The following ADAM10 variants were observed in gnomAD, a reference collection of about 807,000 sequenced individuals.
ADAM10 encodes the protein disintegrin and metalloproteinase domain-containing protein 10.
A neutral mutation model predicts 90.1 loss-of-function variants in ADAM10; 17 were observed. That is an observed-to-expected ratio of 0.19 (90% confidence interval 0.13 to 0.28). The LOEUF (loss-of-function observed/expected upper bound fraction) is 0.28. Ranked by LOEUF, ADAM10 falls within the 10% of genes least tolerant of loss-of-function variation. The pLI is 1.00. For synonymous variants in ADAM10, 310 were observed against 298.6 expected, an observed-to-expected ratio of 1.04 and a Z score of -0.40; for missense variants, 610 against 914.3, an observed-to-expected ratio of 0.67 and a Z score of 4.29.
At chr15:58,716,791 G>A (rs1196461559) in intron 2 of ADAM10, among the ~76,000 whole-genome samples, 1 of 152,030 alleles carries the variant, frequency 6.6e-6, no homozygotes, top group Non-Finnish European at 1.5e-5. Context: ...ATCAATCAGG[G>A]TTACATCAGT....
chr15:58,619,517 C>T (rs1301255322), intron 11 of ADAM10, among the ~76,000 whole-genome samples: 1 of 152,080 alleles, frequency 6.6e-6, no homozygotes, highest in South Asian at 2.1e-4. Flanking sequence ...GATAAATATC[C>T]TTATTACCTT....
intron 1 of ADAM10, chr15:58,747,854 A>G (rs1595677106): frequency 6.6e-6 from 1 of 152,332 alleles, no homozygotes; most frequent in Non-Finnish European, 1.5e-5. Context: ...TTATTTTTAA[A>G]AGAACATTTA....
At chr15:58,723,013 T>C (rs1336161677) in intron 1 of ADAM10, among the ~76,000 whole-genome samples, 1 of 152,064 alleles carries the variant, frequency 6.6e-6, no homozygotes, top group African/African-American at 2.4e-5. Flanking sequence ...ATTACAGGTG[T>C]GAGCCACCAT....
At chr15:58,610,870 C>T in intron 13 of ADAM10, 129 bp downstream of exon 13, 1 of 746,678 alleles carries the variant, frequency 1.3e-6, no homozygotes, top group Non-Finnish European at 2.4e-6. Flanking sequence ...CATTTATAAT[C>T]TCCTCAAGAG....
chr15:58,705,386 G>C (rs1898249176), intron 2 of ADAM10, among the ~76,000 whole-genome samples: 1 of 151,756 alleles, frequency 6.6e-6, no homozygotes, highest in Non-Finnish European at 1.5e-5. Context: ...TTCTTTTTTT[G>C]GCATTGGCTA....
intron 5 of ADAM10, among the ~76,000 whole-genome samples, chr15:58,650,072 C>T (rs1896648401): frequency 6.6e-6 from 1 of 152,112 alleles, no homozygotes; most frequent in African/African-American, 2.4e-5. Context: ...CTAAATTTCC[C>T]ATCAAGTTCT....
intron 1 of ADAM10, among the ~76,000 whole-genome samples, chr15:58,731,512 C>T (rs1899239728): frequency 6.6e-6 from 1 of 152,084 alleles, no homozygotes; most frequent in African/African-American, 2.4e-5. Flanking sequence ...CTTGTTGTCC[C>T]AGCTGCTCAA....
chr15:58,688,786 A>ATATATATATAGATATCTC, intron 2 of ADAM10, among the ~76,000 whole-genome samples: 1 of 122,396 alleles, frequency 8.2e-6, no homozygotes, highest in Non-Finnish European at 1.6e-5. Context: ...ATATATATAT[A>ATATATATATAGATATCTC]TCTCTCTCTC....
At chr15:58,667,018 C>A (rs1335070475) in intron 4 of ADAM10, among the ~76,000 whole-genome samples, 3 of 152,052 alleles carry the variant, frequency 2.0e-5, no homozygotes, top group African/African-American at 4.8e-5. Context: ...AAATTACTAA[C>A]AATATAATCC....
chr15:58,694,349 G>A (rs796656133), intron 2 of ADAM10, among the ~76,000 whole-genome samples: 20 of 152,234 alleles, frequency 1.3e-4, no homozygotes, highest in African/African-American at 4.8e-4. Flanking sequence ...GATTTGGGAG[G>A]CTGAGGCAAG....
chr15:58,706,145 A>C (rs1160919785), intron 2 of ADAM10, among the ~76,000 whole-genome samples: 1 of 152,190 alleles, frequency 6.6e-6, no homozygotes, highest in Admixed American at 6.5e-5. Context: ...AGAAAACAAA[A>C]TACAGGGTGC....
chr15:58,644,299 G>A (rs773899732), intron 6 of ADAM10, among the ~76,000 whole-genome samples: 1 of 149,358 alleles, frequency 6.7e-6, no homozygotes, highest in African/African-American at 2.5e-5. Flanking sequence ...TTGCAATCTC[G>A]GCTCACTGCA....
chr15:58,621,446 A>G (rs1403212655), intron 11 of ADAM10, 25 bp downstream of exon 11: 4 of 1,613,600 alleles, frequency 2.5e-6, no homozygotes, highest in Non-Finnish European at 3.4e-6. Context: ...CAAGAATGTT[A>G]ACATCACTGA....
chr15:58,745,784 G>A (rs969644872), intron 1 of ADAM10, among the ~76,000 whole-genome samples: 2 of 152,242 alleles, frequency 1.3e-5, no homozygotes, highest in East Asian at 3.9e-4. Context: ...TAGGAATGAT[G>A]GGGACTGCAG....
intron 4 of ADAM10, among the ~76,000 whole-genome samples, chr15:58,666,510 C>A (rs2140730614): frequency 6.6e-6 from 1 of 151,964 alleles, no homozygotes; most frequent in South Asian, 2.1e-4. Context: ...TGCTTTGCCA[C>A]ACCAGTAAGT....
At chr15:58,656,521 T>C (rs1896833037) in intron 5 of ADAM10, among the ~76,000 whole-genome samples, 1 of 152,190 alleles carries the variant, frequency 6.6e-6, no homozygotes, top group Non-Finnish European at 1.5e-5. Context: ...GGCTTGCAAA[T>C]ACTACCTTAC....
At chr15:58,746,056 A>G (rs1899781317) in intron 1 of ADAM10, among the ~76,000 whole-genome samples, 1 of 152,206 alleles carries the variant, frequency 6.6e-6, no homozygotes, top group South Asian at 2.1e-4. Flanking sequence ...AGCCGCTTTC[A>G]AAAAAGGCAT....
chr15:58,682,446 C>G (rs1566992834), intron 2 of ADAM10, 132 bp from the exon 3 acceptor site: 1 of 1,389,762 alleles, frequency 7.2e-7, no homozygotes, highest in Non-Finnish European at 9.5e-7. Context: ...AATACGCTGA[C>G]CAAGATTTTT....
chr15:58,711,248 A>G (rs1441540128), intron 2 of ADAM10, among the ~76,000 whole-genome samples: 3 of 152,206 alleles, frequency 2.0e-5, no homozygotes, highest in African/African-American at 7.2e-5. Context: ...ATATTACATA[A>G]AAATCATTTC....
Sources: gnomAD v4.1 joint callset for allele counts (sites outside exome capture counted in the v4.1 genomes callset) on GRCh38, gnomAD v4.1.1 for gene constraint, MANE v1.5 for transcripts, NCBI Gene and HGNC (gene_info 2026-07-23, HGNC 2026-07-21) for gene names.